Variants in PRDM7 observed in about 807,000 individuals in gnomAD.
The protein encoded by PRDM7 is PR/SET domain 7.
PRDM7 carries 52 observed loss-of-function variants against 64.3 expected under a neutral mutation model. The observed-to-expected ratio is 0.81, with a 90% CI of 0.65 to 1.02. The LOEUF (loss-of-function observed/expected upper bound fraction) is 1.02, where lower values mean the gene tolerates loss of function less well. PRDM7 is among the 50% of genes least tolerant of loss of function. The pLI is 0.00. For synonymous variants in PRDM7, 192 were observed against 210.1 expected (o/e 0.91, Z 0.74); for missense variants, 574 against 597.1 (o/e 0.96, Z 0.40).
At chr16:90,072,423 A>G (rs1245904371) in intron 4 of PRDM7, among the ~76,000 whole-genome samples, 2 of 152,204 alleles carry the variant, frequency 1.3e-5, no homozygotes, top group Non-Finnish European at 2.9e-5. Flanking sequence ...ATCTTGTCAC[A>G]TGCTGTGACA....
At chr16:90,073,555 G>T (rs1489894829) in intron 4 of PRDM7, among the ~76,000 whole-genome samples, 2 of 151,892 alleles carry the variant, frequency 1.3e-5, no homozygotes, top group East Asian at 3.9e-4. Flanking sequence ...GCCCGCCACC[G>T]TGCCTGGCTA....
intron 4 of PRDM7, among the ~76,000 whole-genome samples, chr16:90,069,147 G>A (rs2037921663): frequency 6.6e-6 from 1 of 151,206 alleles, no homozygotes; most frequent in Non-Finnish European, 1.5e-5. Context: ...GTATGGTACT[G>A]GTATAAAGAC....
Position 90,061,933 on chromosome 16 carries a change from T to G in PRDM7, c.870A>C (p.Gly290=), listed in dbSNP as rs780452301. 4 of 1,614,132 alleles carry G rather than the reference T, an allele frequency of 2.5e-6. No individual in the cohort carries two copies. The Admixed American group carries it at 6.7e-5, about 27-fold the overall frequency. ...AGGCTCTTCTTACTAGCCAGGAATA[T>G]CCACTGTTGGCTGCCTCTTCGTCTT... The part of the protein sequence containing the change: ...ITEDEEAANS[G]YSWLITKGRN... The change falls in exon 8 of 11, where the codon GGA becomes GGC. Residue 290 remains glycine (G), a synonymous_variant. Transcript: ENST00000449207.
intron 10 of PRDM7, among the ~76,000 whole-genome samples, chr16:90,059,103 C>T (rs1255722695): frequency 6.6e-6 from 1 of 152,184 alleles, no homozygotes; most frequent in Non-Finnish European, 1.5e-5. Context: ...TGAGTATCCT[C>T]ATTCAAAAGG....
chr16:90,066,901 G>A lies in PRDM7; in HGVS notation c.311C>T (p.Pro104Leu), dbSNP rs1319760404. 3 of 1,597,982 alleles carry A rather than the reference G, an allele frequency of 1.9e-6. No individual in the cohort carries two copies. The highest frequency in any genetic ancestry group is 1.7e-4 in the Middle Eastern group (1 of 6,020). ...CTGTTCTCCTCTGAAGGCCATCCAA[G>A]GAGGTTTGACTAAGAGGTGATGAGA... ...EWTPRQQVKP[P>L]WMAFRGEQSK... The change falls in exon 5 of 11, where the codon CCT becomes CTT. Residue 104 changes from proline to leucine, a missense_variant. Physicochemically the swap from Pro to Leu is moderately conservative, Grantham distance 98. Transcript: ENST00000449207.
intron 5 of PRDM7, 61 bp from the exon 6 acceptor site, chr16:90,063,829 G>C: frequency 1.3e-6 from 2 of 1,578,624 alleles, no homozygotes; most frequent in Non-Finnish European, 8.7e-7. Flanking sequence ...TTTACGGCTT[G>C]CAACATGTTT....
In PRDM7 at chr16:90,057,765, T is replaced by A. The variant is rs2037706127; in HGVS notation, c.*524A>T. 1 of 1,314,994 alleles carries A rather than the reference T, an allele frequency of 7.6e-7. No individual in the cohort carries two copies. Among genetic ancestry groups the A allele is most frequent in the East Asian group, 4.9e-5 (1 of 20,510 alleles). 81.5% of individuals were successfully genotyped at this position (1,314,994 alleles called of 1,614,324 possible). The stretch of plus-strand genomic sequence containing the variant: ...ACTTTCGCTGAAGCCACCTCAGAGC[T>A]GGGGTGTGCAAGTGTGTGGTGATCA... On this transcript the variant is annotated 3_prime_UTR_variant, in exon 11 of 11. Coordinates refer to ENST00000449207, the MANE Select transcript of PRDM7 (RefSeq NM_001098173.2).
Position 90,068,827 on chromosome 16 carries a change from C to G in PRDM7, c.302-1917G>C, listed in dbSNP as rs576085993. On this transcript the variant is annotated intron_variant, in intron 4 of 10. Coordinates refer to ENST00000449207, the MANE Select transcript of PRDM7 (RefSeq NM_001098173.2). ...AACCAAGGAGGCAAAAACTTGAACA[C>G]TGAAAACTACAAAACAGTGCCGACA... Among the ~76,000 whole-genome samples, 6 of 151,142 alleles carry G rather than the reference C, an allele frequency of 4.0e-5. 2 individuals are homozygous for G. Among genetic ancestry groups the G allele is most frequent in the African/African-American group, 1.5e-4 (6 of 40,630 alleles).
chr16:90,075,933 C>T lies in PRDM7; in HGVS notation c.-23G>A, dbSNP rs190467942. ...CATGGTGCTGGGACTGTCTAGAAGG[C>T]CCTGCTCCAATTCTGAGTGTGGGAA... On this transcript the variant is annotated 5_prime_UTR_variant, in exon 2 of 11. Coordinates refer to ENST00000449207, the MANE Select transcript of PRDM7 (RefSeq NM_001098173.2). This position sits in a 1 kb window ranked among gnomAD's most constrained non-coding sequence, Gnocchi z 4.3. The T allele has an allele frequency of 1.9e-6, 3 of 1,610,710 alleles. No homozygotes were observed. The highest frequency in any genetic ancestry group is 2.2e-5 in the South Asian group (2 of 90,496).
rs191015587 is a variant in PRDM7, at chr16:90,066,176, A to G, written c.351+685T>C. Among the ~76,000 whole-genome samples, 355 of 151,430 alleles carry G rather than the reference A, an allele frequency of 2.3e-3. 22 individuals carry two copies. The highest frequency in any genetic ancestry group is 7.8e-3 in the African/African-American group (320 of 40,834). On this transcript the variant is annotated intron_variant, in intron 5 of 10. Transcript: ENST00000449207. The stretch of plus-strand genomic sequence containing the variant: ...CCATTTTCTTATTTGTTGTTTCTCA[A>G]TCTTCGAACCTGAAACCCTTCAGGG...
rs1393161537 is a variant in PRDM7, at chr16:90,057,975, TGAG to T, written c.*311_*313del. 6.2e-7 allele frequency: 1 copy of T among 1,604,266 alleles called. No homozygotes were observed. The highest frequency in any genetic ancestry group is 8.5e-7 in the Non-Finnish European group (1 of 1,173,542). On this transcript the variant is annotated 3_prime_UTR_variant, in exon 11 of 11. Coordinates refer to ENST00000449207, the MANE Select transcript of PRDM7 (RefSeq NM_001098173.2). ...TCCCCTGTGTGTGTCCTCTGGTGAC[TGAG>T]GAGGTCTGACTTCCGGCTAAAGCCC...
Position 90,075,215 on chromosome 16 carries a change from A to G in PRDM7, c.193+136T>C. On this transcript the variant is annotated intron_variant, in intron 3 of 10. Transcript: ENST00000449207. The surrounding 1 kb of genome is among the most constrained non-coding windows in gnomAD (Gnocchi z 4.3). ...AACCCTGCACTGACGCAAAAGAACAATATTTCCCTCCAGATTTGTCTCCGT... is the reference window on the plus strand; with the variant it reads ...AACCCTGCACTGACGCAAAAGAACAGTATTTCCCTCCAGATTTGTCTCCGT... 3 of 1,521,036 alleles carry G rather than the reference A, an allele frequency of 2.0e-6. No homozygotes were observed. The highest frequency in any genetic ancestry group is 1.8e-6 in the Non-Finnish European group (2 of 1,105,634). The allele number at this position is 1,521,036 out of a possible 1,614,324, so 94.2% of individuals were successfully genotyped here. A position where few individuals can be genotyped will look rare whatever the true frequency, so the allele number is the denominator to read the frequency against.
chr16:90,063,254 T>A (rs2037812749), intron 6 of PRDM7, among the ~76,000 whole-genome samples: 1 of 152,166 alleles, frequency 6.6e-6, no homozygotes, highest in South Asian at 2.1e-4. Context: ...GAGACCGGCC[T>A]GGTCAACATG....
At chr16:90,058,582 A>T in intron 10 of PRDM7, 48 bp from the exon 11 acceptor site, 1 of 1,569,694 alleles carries the variant, frequency 6.4e-7, no homozygotes, top group Non-Finnish European at 8.8e-7. Flanking sequence ...TTCAGGCCTT[A>T]CTACATATGA....
chr16:90,071,409 G>A (rs1199841344), intron 4 of PRDM7, among the ~76,000 whole-genome samples: 9 of 152,160 alleles, frequency 5.9e-5, no homozygotes, highest in African/African-American at 1.7e-4. Context: ...GATTACAGGC[G>A]TGAGCCACTG....
chr16:90,075,763 A>G lies in PRDM7; in HGVS notation c.69+79T>C. The stretch of plus-strand genomic sequence containing the variant: ...ATGCACATTCAGACAGAGTCACCCA[A>G]GGGTACAGGCCAGGAGTCTGCAGCA... On this transcript the variant is annotated intron_variant, in intron 2 of 10. Coordinates refer to ENST00000449207, the MANE Select transcript of PRDM7 (RefSeq NM_001098173.2). This position sits in a 1 kb window ranked among gnomAD's most constrained non-coding sequence, Gnocchi z 4.3. 1.3e-6 allele frequency: 2 copies of G among 1,532,698 alleles called. No individual in the cohort carries two copies. The highest frequency in any genetic ancestry group is 1.8e-6 in the Non-Finnish European group (2 of 1,118,522). 94.9% of individuals were successfully genotyped at this position (1,532,698 alleles called of 1,614,324 possible).
In PRDM7 at chr16:90,075,612, G is replaced by T. The variant is rs1240628299; in HGVS notation, c.70-138C>A. 1.4e-6 allele frequency: 2 copies of T among 1,475,172 alleles called. No homozygotes were observed. Among genetic ancestry groups the T allele is most frequent in the South Asian group, 1.2e-5 (1 of 86,578 alleles). 91.4% of individuals were successfully genotyped at this position (1,475,172 alleles called of 1,614,324 possible). On this transcript the variant is annotated intron_variant, in intron 2 of 10. Transcript: ENST00000449207. The surrounding 1 kb of genome is among the most constrained non-coding windows in gnomAD (Gnocchi z 4.3). Reference sequence around the variant, plus strand: ...CATAAAGACCTTCCCTCCTTCTCCAGATTGTGTCCTGTTTAACTGAGCAGA... The same window carrying T: ...CATAAAGACCTTCCCTCCTTCTCCATATTGTGTCCTGTTTAACTGAGCAGA...
At chr16:90,068,371 C>T (rs943431900) in intron 4 of PRDM7, among the ~76,000 whole-genome samples, 3 of 151,122 alleles carry the variant, frequency 2.0e-5, no homozygotes, top group African/African-American at 7.4e-5. Context: ...CATGGTGGCT[C>T]AAGCCTATAA....
chr16:90,060,182 C>T lies in PRDM7; in HGVS notation c.1233+159G>A, dbSNP rs879227251. 2.6e-5 allele frequency among the ~76,000 whole-genome samples: 4 copies of T among 152,134 alleles called. No homozygotes were observed. The South Asian group carries it at 8.3e-4, about 32-fold the overall frequency. ...AAATATAAAAACTGTTCCAAAGAGG[C>T]AAAGGCATATAACATGAATCTTTAA... On this transcript the variant is annotated intron_variant, in intron 10 of 10. Coordinates refer to ENST00000449207, the MANE Select transcript of PRDM7 (RefSeq NM_001098173.2).
Sources: allele counts gnomAD v4.1 joint callset (sites outside exome capture counted in the v4.1 genomes callset), GRCh38; gene constraint gnomAD v4.1.1; non-coding constraint Gnocchi (gnomAD v3.1); transcripts MANE v1.5; gene names NCBI Gene and HGNC (gene_info 2026-07-23, HGNC 2026-07-21).